Variants in DDX60 observed in about 807,000 individuals in gnomAD.
DDX60 encodes the protein probable ATP-dependent RNA helicase DDX60.
DDX60 carries 165 observed loss-of-function variants against 212.8 expected under a neutral mutation model. The observed-to-expected ratio is 0.78, with a 90% CI of 0.68 to 0.88. The LOEUF (loss-of-function observed/expected upper bound fraction) is 0.88, where lower values mean the gene tolerates loss of function less well. Ranked by LOEUF, DDX60 falls within the 40% of genes least tolerant of loss-of-function variation. The pLI is 0.00. For synonymous variants in DDX60, 703 were observed against 685.3 expected (o/e 1.03, Z -0.40); for missense variants, 1,905 against 2,003.9 (o/e 0.95, Z 0.94).
At chr4:168,313,019 A>G (rs1468214203) in intron 1 of DDX60, among the ~76,000 whole-genome samples, 1 of 152,184 alleles carries the variant, frequency 6.6e-6, no homozygotes, top group African/African-American at 2.4e-5. Flanking sequence ...GTACTTGCTG[A>G]AACATATGCA....
intron 34 of DDX60, among the ~76,000 whole-genome samples, chr4:168,225,055 C>T (rs1202074574): frequency 6.6e-6 from 1 of 151,928 alleles, no homozygotes; most frequent in Non-Finnish European, 1.5e-5. Context: ...CTCATCAAAA[C>T]TACGTAGATA....
chr4:168,246,220 C>T (rs12510913), intron 30 of DDX60, among the ~76,000 whole-genome samples, 198 bp downstream of exon 30: 8,871 of 152,212 alleles, frequency 0.058, 450 homozygotes, highest in East Asian at 0.15. Context: ...CCACAAATTC[C>T]ATGTCTGATG....
chr4:168,300,521 C>T (rs1442983745), intron 6 of DDX60, among the ~76,000 whole-genome samples: 2 of 150,592 alleles, frequency 1.3e-5, no homozygotes, highest in African/African-American at 4.9e-5. Flanking sequence ...ACCTGGGGGA[C>T]GAATTGAGAC....
chr4:168,310,046 A>G (rs1435189025), intron 3 of DDX60, among the ~76,000 whole-genome samples: 1 of 152,204 alleles, frequency 6.6e-6, no homozygotes, highest in African/African-American at 2.4e-5. Flanking sequence ...CAATGAGGAC[A>G]CATTTTCCGA....
At chr4:168,274,229 A>G in intron 16 of DDX60, 146 bp from the exon 17 acceptor site, 3 of 991,208 alleles carry the variant, frequency 3.0e-6, no homozygotes, top group Admixed American at 5.5e-5. Flanking sequence ...TTCTCTCAGA[A>G]GAGATCATTT....
In DDX60 at chr4:168,306,454, C is replaced by A; in HGVS notation, c.531G>T (p.Gly177=). The change falls in exon 5 of 38, where the codon GGG becomes GGT. Residue 177 remains glycine, a synonymous_variant. Transcript: ENST00000393743. ...AAAGGCAAAGAACATCAGATTCTTG[C>A]CCTGAGGAAAGTACAACGTTGACCT... ...ARKVNVVLSS[G]QESDVLCLYA... is the part of the protein sequence containing the mutation. The A allele has an allele frequency of 6.2e-7, 1 of 1,614,046 alleles. No homozygotes were observed. Among genetic ancestry groups the A allele is most frequent in the Non-Finnish European group, 8.5e-7 (1 of 1,179,992 alleles).
intron 4 of DDX60, among the ~76,000 whole-genome samples, chr4:168,307,323 G>A (rs1278468440): frequency 6.6e-6 from 1 of 152,100 alleles, no homozygotes; most frequent in Non-Finnish European, 1.5e-5. Context: ...TAGGAAGGGT[G>A]GTAGTGGTTA....
chr4:168,267,894 G>C lies in DDX60; in HGVS notation c.2876C>G (p.Ala959Gly), dbSNP rs375196616. Residue 959 changes from alanine to glycine, a missense_variant, in exon 21 of 38, where the codon GCC becomes GGC. Coordinates refer to ENST00000393743, the MANE Select transcript of DDX60 (RefSeq NM_017631.6). ...TASKRHVGRQ[A>G]GFPKDYLQVK... ...TTGCAAGTAGTCTTTGGGAAAGCCGGCCTGACGACCCACATGTCTTTTAGA... is the reference window on the plus strand; with the variant it reads ...TTGCAAGTAGTCTTTGGGAAAGCCGCCCTGACGACCCACATGTCTTTTAGA... 4 of 1,613,246 alleles carry C rather than the reference G, an allele frequency of 2.5e-6. No homozygotes were observed. Among genetic ancestry groups the C allele is most frequent in the Non-Finnish European group, 3.4e-6 (4 of 1,179,618 alleles).
At chr4:168,312,413 G>A (rs1429932179) in intron 1 of DDX60, among the ~76,000 whole-genome samples, 1 of 152,152 alleles carries the variant, frequency 6.6e-6, no homozygotes, top group African/African-American at 2.4e-5. Context: ...CGGTAAATGA[G>A]GCCATTGGTG....
intron 37 of DDX60, among the ~76,000 whole-genome samples, chr4:168,217,946 A>C (rs1732909747): frequency 6.6e-6 from 1 of 152,188 alleles, no homozygotes; most frequent in African/African-American, 2.4e-5. Flanking sequence ...TGTTGGTTTA[A>C]GCCACTAGGT....
rs995965299 is a variant in DDX60, at chr4:168,288,229, A to G, written c.1128T>C (p.Asn376=). 6.6e-7 allele frequency: 1 copy of G among 1,523,820 alleles called. No individual in the cohort carries two copies. Among genetic ancestry groups the G allele is most frequent in the Non-Finnish European group, 9.0e-7 (1 of 1,114,602 alleles). The allele number at this position is 1,523,820 out of a possible 1,614,324, so 94.4% of individuals were successfully genotyped here. Residue 376 remains asparagine, a synonymous_variant, in exon 9 of 38, where the codon AAT becomes AAC. Coordinates refer to ENST00000393743, the MANE Select transcript of DDX60 (RefSeq NM_017631.6). ...NLNLIHLSDL[N]DELLLKNIAF... The stretch of plus-strand genomic sequence containing the variant: ...CAATATTCTTCAACAAAAGCTCATC[A>G]TTTAAGTCAGAAAGGTGAATTAAAT...
Position 168,220,669 on chromosome 4 carries a change from G to A in DDX60, c.5025C>T (p.Thr1675=). ...ATATAACACACCTGATAGATTTAATGGTGAGTGCAAAATCCTTCAACAAAT... is the reference window on the plus strand; with the variant it reads ...ATATAACACACCTGATAGATTTAATAGTGAGTGCAAAATCCTTCAACAAAT... The part of the protein sequence containing the change: ...AYYLLKDFAL[T]IKSISVSLRE... The change falls in exon 37 of 38, where the codon ACC becomes ACT. Residue 1675 remains threonine (T), a synonymous_variant. Transcript: ENST00000393743. 3 of 1,471,774 alleles carry A rather than the reference G, an allele frequency of 2.0e-6. No individual in the cohort carries two copies. Among genetic ancestry groups the A allele is most frequent in the South Asian group, 1.4e-5 (1 of 69,072 alleles). The allele number at this position is 1,471,774 out of a possible 1,614,324, so 91.2% of individuals were successfully genotyped here.
At chr4:168,238,186 A>G (rs1423388773) in intron 30 of DDX60, among the ~76,000 whole-genome samples, 2 of 144,506 alleles carry the variant, frequency 1.4e-5, no homozygotes, top group Non-Finnish European at 3.0e-5. Flanking sequence ...GTAAAACTGC[A>G]TTAAAGTACA....
chr4:168,257,912 G>C (rs1044272498), intron 25 of DDX60, among the ~76,000 whole-genome samples: 4 of 152,184 alleles, frequency 2.6e-5, no homozygotes, highest in Non-Finnish European at 5.9e-5. Flanking sequence ...TTTTGGAGAC[G>C]CAAAACCAGA....
chr4:168,299,089 A>T (rs1390860213), intron 6 of DDX60, among the ~76,000 whole-genome samples: 2 of 136,408 alleles, frequency 1.5e-5, no homozygotes, highest in African/African-American at 2.7e-5. Context: ...TGAACCCAGG[A>T]GGTGGAGGAT....
At chr4:168,297,423 C>T (rs144322916) in intron 6 of DDX60, among the ~76,000 whole-genome samples, 44 of 144,214 alleles carry the variant, frequency 3.1e-4, no homozygotes, top group African/African-American at 8.2e-4. Context: ...TAATTAATTC[C>T]GCAAAATAAT....
At chr4:168,319,193 T>C (rs1204612397), upstream of DDX60, among the ~76,000 whole-genome samples, 2 of 151,774 alleles carry the variant, frequency 1.3e-5, no homozygotes, top group Non-Finnish European at 2.9e-5. Flanking sequence ...TATGCGTCAA[T>C]TAAAAATAAA....
In DDX60 at chr4:168,272,044, T is replaced by G; in HGVS notation, c.2669A>C (p.Glu890Ala). The change falls in exon 19 of 38, where the codon GAG (glutamate) becomes GCG (alanine). Residue 890 changes from glutamate to alanine, a missense_variant and splice_region_variant. By Grantham distance (107) the Glu-to-Ala change is moderately radical. Coordinates refer to ENST00000393743, the MANE Select transcript of DDX60 (RefSeq NM_017631.6). ...VKKIRYVIFD[E>A]VHCLGGEIGA... ...GCAAAGAAAGAACACCAAACCTACCTCATCAAATATAACATATCTGATCTT... is the reference window on the plus strand; with the variant it reads ...GCAAAGAAAGAACACCAAACCTACCGCATCAAATATAACATATCTGATCTT... 2 of 1,573,056 alleles carry G rather than the reference T, an allele frequency of 1.3e-6. No homozygotes were observed. The highest frequency in any genetic ancestry group is 1.2e-5 in the South Asian group (1 of 85,978).
intron 30 of DDX60, among the ~76,000 whole-genome samples, chr4:168,245,445 CA>C (rs1733988231): frequency 6.6e-6 from 1 of 151,924 alleles, no homozygotes; most frequent in African/African-American, 2.4e-5. Flanking sequence ...TGGGTCTTCC[CA>C]AATATGCAAA....
Sources: gnomAD v4.1 joint callset for allele counts (sites outside exome capture counted in the v4.1 genomes callset) on GRCh38, gnomAD v4.1.1 for gene constraint, MANE v1.5 for transcripts, NCBI Gene and HGNC (gene_info 2026-07-23, HGNC 2026-07-21) for gene names.